ICE2: variants seen among roughly 807,000 people sequenced by gnomAD.
ICE2 encodes the protein little elongation complex subunit 2.
Under a neutral mutation model 105.4 loss-of-function variants are expected in ICE2, and 87 were observed. The ratio of observed to expected loss-of-function variants is 0.83; its 90% CI spans 0.69 to 0.99. ICE2 has a LOEUF of 0.99. ICE2 is among the 50% of genes least tolerant of loss of function. The pLI is 0.00. For synonymous variants in ICE2, 399 were observed against 392.0 expected (o/e 1.02, Z -0.21); for missense variants, 1,323 against 1,146.7 (o/e 1.15, Z -2.22).
intron 15 of ICE2, among the ~76,000 whole-genome samples, chr15:60,425,180 A>G (rs1291642729): frequency 6.6e-6 from 1 of 151,408 alleles, no homozygotes; most frequent in Non-Finnish European, 1.5e-5. Flanking sequence ...TTTAAAAAGC[A>G]TTTTTTTTTA....
chr15:60,442,260 T>C, intron 12 of ICE2, 156 bp downstream of exon 12: 1 of 630,478 alleles, frequency 1.6e-6, no homozygotes, highest in Non-Finnish European at 2.6e-6. Context: ...ATGACTATAC[T>C]CCAGCCTGGG....
At chr15:60,469,427 G>C (rs2064522626) in intron 3 of ICE2, among the ~76,000 whole-genome samples, 1 of 151,872 alleles carries the variant, frequency 6.6e-6, no homozygotes, top group Non-Finnish European at 1.5e-5. Flanking sequence ...AGCGCATCCT[G>C]CACATGCACC....
At position 60,443,469 on chromosome 15, in the gene ICE2, A is replaced by G. The variant is rs769294461; in HGVS notation, c.2296-924T>C. Among the ~76,000 whole-genome samples, 43 of 152,188 alleles carry G rather than the reference A, an allele frequency of 2.8e-4. 1 individual carries two copies. The highest frequency in any genetic ancestry group is 5.7e-4 in the Non-Finnish European group (39 of 68,006). On this transcript the variant is annotated intron_variant, in intron 11 of 15. Coordinates refer to ENST00000261520, the MANE Select transcript of ICE2 (RefSeq NM_024611.6). ...GCTTGGTACAATGGTGGTGGTAAGA[A>G]CAATTCAAATCCACTAATATTTTTC...
chr15:60,444,268 C>T (rs971901751), intron 11 of ICE2, among the ~76,000 whole-genome samples: 2 of 151,944 alleles, frequency 1.3e-5, no homozygotes, highest in African/African-American at 2.4e-5. Context: ...TTCTAAAAAG[C>T]AAATACTTTG....
chr15:60,447,986 C>A lies in ICE2; in HGVS notation c.2279G>T (p.Arg760Leu), dbSNP rs781043930. 3.1e-6 allele frequency: 5 copies of A among 1,607,262 alleles called. No homozygotes were observed. Among genetic ancestry groups the A allele is most frequent in the Non-Finnish European group, 4.2e-6 (5 of 1,177,890 alleles). Residue 760 changes from arginine to leucine, a missense_variant, in exon 11 of 16, where the codon CGG becomes CTG. Physicochemically the swap from Arg to Leu is moderately radical, Grantham distance 102. Transcript: ENST00000261520. ...RIETRPRSKK[R>L]KKIRRQFPVY... ...ACAACTTACTCTTCTGATTTTCTTC[C>A]GTTTTTTAGAACGTGGTCTTGTCTC...
At chr15:60,451,746 G>T (rs2063970952) in intron 9 of ICE2, 1 of 346,870 alleles carries the variant, frequency 2.9e-6, no homozygotes, top group African/African-American at 2.2e-5. Context: ...TTGGGGTCCA[G>T]GCCCTTGGTG....
chr15:60,454,080 G>C (rs1365918475), intron 8 of ICE2, among the ~76,000 whole-genome samples: 1 of 152,092 alleles, frequency 6.6e-6, no homozygotes, highest in Non-Finnish European at 1.5e-5. Flanking sequence ...ATAGGAACTT[G>C]CAAAAAGTGA....
chr15:60,437,605 T>C (rs1368982597), intron 12 of ICE2, among the ~76,000 whole-genome samples: 1 of 151,846 alleles, frequency 6.6e-6, no homozygotes, highest in Non-Finnish European at 1.5e-5. Context: ...AGTGCTGAGA[T>C]TACAGGTGTG....
At chr15:60,460,295 G>C (rs189281526) in intron 5 of ICE2, among the ~76,000 whole-genome samples, 46 of 152,272 alleles carry the variant, frequency 3.0e-4, no homozygotes, top group Non-Finnish European at 5.0e-4. Flanking sequence ...TCAGGAGTTC[G>C]AGGCCAGCCT....
At position 60,449,082 on chromosome 15, in the gene ICE2, A is replaced by G; in HGVS notation, c.1885T>C (p.Cys629Arg). ...CGTTTGATAGGTTTTTTTAAAACACATGACTCTTCAGGACTACAAGCAGTA... is the reference window on the plus strand; with the variant it reads ...CGTTTGATAGGTTTTTTTAAAACACGTGACTCTTCAGGACTACAAGCAGTA... Reference protein sequence around the residue: ...TNTACSPEESCVLKKPIKRVY... With the variant: ...TNTACSPEESRVLKKPIKRVY... Residue 629 changes from cysteine (C) to arginine (R), a missense_variant, in exon 10 of 16, where the codon TGT becomes CGT. Cys to Arg is a radical substitution (Grantham distance 180). Transcript: ENST00000261520. 9 of 1,613,948 alleles carry G rather than the reference A, an allele frequency of 5.6e-6. No individual in the cohort carries two copies. The highest frequency in any genetic ancestry group is 7.6e-6 in the Non-Finnish European group (9 of 1,179,886).
At chr15:60,436,720 CAAAAAAA>C (rs58594280) in intron 12 of ICE2, among the ~76,000 whole-genome samples, 9 of 88,012 alleles carry the variant, frequency 1.0e-4, no homozygotes, top group Non-Finnish European at 1.7e-4. Context: ...GACTCTGTCT[CAAAAAAA>C]AAAAAAAAAA....
At chr15:60,435,845 G>A (rs1308818890) in intron 13 of ICE2, among the ~76,000 whole-genome samples, 2 of 151,800 alleles carry the variant, frequency 1.3e-5, no homozygotes, top group Non-Finnish European at 2.9e-5. Context: ...GCATGCTGGT[G>A]CACACCTGTA....
rs570405157 is a variant in ICE2 at position 60,474,387 on chromosome 15, C to T, written c.146+1676G>A. Among the ~76,000 whole-genome samples, 5 of 152,058 alleles carry T rather than the reference C, an allele frequency of 3.3e-5. No individual in the cohort carries two copies. In the East Asian group the frequency reaches 9.6e-4, roughly 29 times the overall value. On this transcript the variant is annotated intron_variant, in intron 3 of 15. Transcript: ENST00000261520. The stretch of plus-strand genomic sequence containing the variant: ...ACTTATACAAACACATGTAAAAAGG[C>T]TGCTCACTGTTTCTAACAGTAAAGG...
intron 2 of ICE2, among the ~76,000 whole-genome samples, chr15:60,477,567 T>C (rs1039322793): frequency 1.3e-5 from 2 of 152,210 alleles, no homozygotes; most frequent in Non-Finnish European, 2.9e-5. Context: ...GATTTCAATA[T>C]AACAAAAAGC....
chr15:60,424,649 C>A (rs1025066583), intron 15 of ICE2, among the ~76,000 whole-genome samples: 1 of 152,166 alleles, frequency 6.6e-6, no homozygotes, highest in Non-Finnish European at 1.5e-5. Context: ...GCTGGGATTA[C>A]AGGTGTGTGT....
intron 1 of ICE2, among the ~76,000 whole-genome samples, chr15:60,478,296 T>G (rs185755383): frequency 6.6e-6 from 1 of 152,330 alleles, no homozygotes; most frequent in African/African-American, 2.4e-5. Flanking sequence ...ACACTCACTA[T>G]GGAAATAAGA....
intron 12 of ICE2, 64 bp downstream of exon 12, chr15:60,442,352 G>T (rs1173044959): frequency 1.4e-6 from 2 of 1,415,232 alleles, no homozygotes; most frequent in East Asian, 2.4e-5. Flanking sequence ...ATTCACAATT[G>T]AATTTACAAG....
chr15:60,463,616 C>G (rs2054031), intron 5 of ICE2, among the ~76,000 whole-genome samples: 1 of 151,970 alleles, frequency 6.6e-6, no homozygotes, highest in African/African-American at 2.4e-5. Flanking sequence ...CTACTAAAAA[C>G]ACAAAAATTA....
intron 1 of ICE2, chr15:60,478,630 CA>C (rs1223423489): frequency 3.0e-6 from 1 of 328,282 alleles, no homozygotes; most frequent in Non-Finnish European, 6.0e-6. Context: ...CCTGTGACCC[CA>C]GGCAGACTGA....
Sources: gnomAD v4.1 joint callset for allele counts (sites outside exome capture counted in the v4.1 genomes callset) on GRCh38, gnomAD v4.1.1 for gene constraint, MANE v1.5 for transcripts, NCBI Gene and HGNC (gene_info 2026-07-23, HGNC 2026-07-21) for gene names.